TENM2: variants seen among roughly 807,000 people sequenced by gnomAD.
The protein encoded by TENM2 is teneurin-2.
Under a neutral mutation model 245.2 loss-of-function variants are expected in TENM2, and 52 were observed. The ratio of observed to expected loss-of-function variants is 0.21; its 90% confidence interval spans 0.17 to 0.27. TENM2 has a LOEUF of 0.27. TENM2 is among the 10% of genes least tolerant of loss of function. The pLI is 1.00. For missense variants in TENM2, 3,046 were observed against 3,666.8 expected, an observed-to-expected ratio of 0.83 and a Z score of 4.37; for synonymous variants, 1,363 against 1,438.9, an observed-to-expected ratio of 0.95 and a Z score of 1.19.
rs1756544210 is a variant in TENM2 at position 168,150,467 on chromosome 5, C to T, written c.2423-12144C>T. Among the ~76,000 whole-genome samples, 4 of 152,170 alleles carry T rather than the reference C, an allele frequency of 2.6e-5. 1 individual carries two copies. In the South Asian group the frequency reaches 8.3e-4, roughly 31 times the overall value. On this transcript the variant is annotated intron_variant, in intron 12 of 28. Transcript: ENST00000518659. ...AGGCAGGACGCCATGCGGGGGCTTC[C>T]CCAAGTAGGATCCTCATGGATCCTA...
At chr5:167,904,991 A>G (rs1342901592) in intron 3 of TENM2, among the ~76,000 whole-genome samples, 1 of 152,212 alleles carries the variant, frequency 6.6e-6, no homozygotes, top group African/African-American at 2.4e-5. Flanking sequence ...CAGGTTCTTT[A>G]TCTGTAAAAC....
intron 12 of TENM2, among the ~76,000 whole-genome samples, chr5:168,159,748 C>G (rs1307674444): frequency 2.0e-5 from 3 of 152,180 alleles, no homozygotes; most frequent in African/African-American, 7.2e-5. Context: ...TCCTACTTTT[C>G]TTGTTTTCAT....
intron 2 of TENM2, among the ~76,000 whole-genome samples, chr5:167,789,552 A>G (rs555009921): frequency 2.6e-5 from 4 of 152,320 alleles, no homozygotes; most frequent in African/African-American, 7.2e-5. Flanking sequence ...TTGGTTGGAC[A>G]CTTTGAATGT....
chr5:167,896,092 T>C (rs1351049132), intron 3 of TENM2, among the ~76,000 whole-genome samples: 1 of 152,240 alleles, frequency 6.6e-6, no homozygotes, highest in African/African-American at 2.4e-5. Flanking sequence ...GGCAGTCTGA[T>C]AGATGTCGAC....
the TENM2 span, among the ~76,000 whole-genome samples, chr5:167,154,344 C>A: frequency 6.6e-6 from 1 of 152,110 alleles, no homozygotes; most frequent in Non-Finnish European, 1.5e-5. Context: ...AGGTCATGAG[C>A]CACACAGGTA....
the TENM2 span, among the ~76,000 whole-genome samples, chr5:167,119,806 A>T: frequency 6.6e-6 from 1 of 152,208 alleles, no homozygotes; most frequent in Non-Finnish European, 1.5e-5. Context: ...GGAGGCAGAG[A>T]TGAATCACCC....
chr5:167,505,190 C>T (rs936903296), intron 2 of TENM2, among the ~76,000 whole-genome samples: 6 of 152,032 alleles, frequency 3.9e-5, no homozygotes, highest in Non-Finnish European at 7.4e-5. Context: ...AAAGCTGCCT[C>T]GGTATCATTA....
At chr5:167,717,758 T>C (rs1759364507) in intron 2 of TENM2, among the ~76,000 whole-genome samples, 1 of 152,166 alleles carries the variant, frequency 6.6e-6, no homozygotes, top group East Asian at 1.9e-4. Flanking sequence ...CCTCTGTTTT[T>C]GAATCTGCAA....
the TENM2 span, among the ~76,000 whole-genome samples, chr5:167,050,601 G>A: frequency 2.9e-4 from 44 of 152,278 alleles, no homozygotes; most frequent in African/African-American, 1.1e-3. Flanking sequence ...CCGTGAATGA[G>A]AGTGAGGCAG....
the TENM2 span, among the ~76,000 whole-genome samples, chr5:167,162,036 C>T: frequency 2.0e-5 from 3 of 151,662 alleles, no homozygotes; most frequent in Middle Eastern, 3.2e-3. Context: ...TGTGGTGGCA[C>T]GTACCTGTAG....
intron 2 of TENM2, among the ~76,000 whole-genome samples, chr5:167,587,603 GT>G (rs1238854325): frequency 6.6e-6 from 1 of 152,170 alleles, no homozygotes; most frequent in African/African-American, 2.4e-5. Context: ...AGATTTCAAA[GT>G]GATAGAAATT....
chr5:167,235,887 GA>G, the TENM2 span, among the ~76,000 whole-genome samples: 1 of 152,228 alleles, frequency 6.6e-6, no homozygotes, highest in Non-Finnish European at 1.5e-5. Context: ...GCAGTGGAAT[GA>G]ATCTCATGGA....
the TENM2 span, among the ~76,000 whole-genome samples, chr5:167,071,913 A>T: frequency 5.1e-5 from 7 of 137,070 alleles, no homozygotes; most frequent in South Asian, 1.8e-3. Flanking sequence ...CCGTCTGGAA[A>T]ATCAGGATGC....
At chr5:167,002,632 C>T in the TENM2 span, among the ~76,000 whole-genome samples, 3 of 151,136 alleles carry the variant, frequency 2.0e-5, no homozygotes, top group African/African-American at 2.4e-5. Flanking sequence ...TGGCAGGACT[C>T]GGTGTCTGCA....
At chr5:167,001,937 A>G in the TENM2 span, among the ~76,000 whole-genome samples, 3 of 152,124 alleles carry the variant, frequency 2.0e-5, no homozygotes, top group Non-Finnish European at 4.4e-5. Flanking sequence ...ACTTATGGAA[A>G]GAGTTACTTG....
intron 1 of TENM2, among the ~76,000 whole-genome samples, chr5:167,288,568 A>T (rs570279344): frequency 7.9e-5 from 12 of 152,176 alleles, no homozygotes; most frequent in South Asian, 2.1e-4. Context: ...CAAAAAAAAA[A>T]AAAAAAGAAA....
At chr5:168,046,843 G>A (rs1323563169) in intron 5 of TENM2, among the ~76,000 whole-genome samples, 2 of 152,146 alleles carry the variant, frequency 1.3e-5, no homozygotes, top group Admixed American at 1.3e-4. Context: ...GAGTGGAAAG[G>A]AAAAATATTC....
chr5:168,063,868 G>A (rs1790268984), intron 7 of TENM2, among the ~76,000 whole-genome samples: 1 of 152,044 alleles, frequency 6.6e-6, no homozygotes, highest in Non-Finnish European at 1.5e-5. Flanking sequence ...TCTTTTTTGA[G>A]CAGGGAGAGC....
intron 2 of TENM2, among the ~76,000 whole-genome samples, chr5:167,446,986 C>T (rs9284974): frequency 0.023 from 3,527 of 152,222 alleles, 112 homozygotes; most frequent in African/African-American, 0.079. Context: ...ATCCAAAACT[C>T]GAAATGCTCC....
Sources: allele counts gnomAD v4.1 joint callset (sites outside exome capture counted in the v4.1 genomes callset), GRCh38; gene constraint gnomAD v4.1.1; transcripts MANE v1.5; gene names NCBI Gene and HGNC (gene_info 2026-07-23, HGNC 2026-07-21).